EPHA6: variants seen among roughly 807,000 people sequenced by gnomAD.
The protein encoded by EPHA6 is EPH receptor A6, also known as ephrin type-A receptor 6.
In EPHA6, 50 loss-of-function variants were observed where a neutral mutation model predicts 112.0. That is an observed-to-expected ratio of 0.45 (90% CI 0.36 to 0.56). The LOEUF (loss-of-function observed/expected upper bound fraction) is 0.56. Ranked by LOEUF, EPHA6 falls within the 20% of genes least tolerant of loss-of-function variation. The pLI is 0.00. For missense variants in EPHA6, 1,280 were observed against 1,417.4 expected, an observed-to-expected ratio of 0.90 and a Z score of 1.56; for synonymous variants, 529 against 490.7, an observed-to-expected ratio of 1.08 and a Z score of -1.03.
intron 2 of EPHA6, among the ~76,000 whole-genome samples, chr3:96,951,521 A>C (rs544512758): frequency 6.6e-6 from 1 of 152,032 alleles, no homozygotes; most frequent in Non-Finnish European, 1.5e-5. Context: ...TCTATAAATC[A>C]TCATCATCAT....
intron 3 of EPHA6, among the ~76,000 whole-genome samples, chr3:97,068,154 C>CAAAAAAAAAAAAAAAA (rs1396275493): frequency 1.6e-5 from 1 of 61,016 alleles, no homozygotes; most frequent in Non-Finnish European, 2.8e-5. Flanking sequence ...GACTCCATCT[C>CAAAAAAAAAAAAAAAA]AAAAAAAAAA....
chr3:96,831,943 C>T (rs2034110615), intron 1 of EPHA6, among the ~76,000 whole-genome samples: 1 of 152,038 alleles, frequency 6.6e-6, no homozygotes, highest in Non-Finnish European at 1.5e-5. Context: ...TGCTTCTTCT[C>T]CTTGTATAAC....
chr3:96,939,030 G>T (rs2040775773), intron 2 of EPHA6, among the ~76,000 whole-genome samples: 1 of 152,028 alleles, frequency 6.6e-6, no homozygotes, highest in Non-Finnish European at 1.5e-5. Flanking sequence ...GAGGATTTTT[G>T]CATCAATGTT....
chr3:97,499,683 G>C (rs1368803973), intron 10 of EPHA6, among the ~76,000 whole-genome samples: 1 of 152,098 alleles, frequency 6.6e-6, no homozygotes, highest in Non-Finnish European at 1.5e-5. Context: ...AAGTATTTGT[G>C]TATCTAAACA....
chr3:97,570,876 G>T (rs916746837), intron 11 of EPHA6, among the ~76,000 whole-genome samples: 14 of 152,156 alleles, frequency 9.2e-5, no homozygotes, highest in African/African-American at 3.4e-4. Flanking sequence ...ATAAGCTAGA[G>T]GTTAAATTCA....
intron 11 of EPHA6, 92 bp from the exon 12 acceptor site, chr3:97,592,520 T>C: frequency 6.9e-7 from 1 of 1,452,484 alleles, no homozygotes; most frequent in Non-Finnish European, 9.5e-7. Context: ...AAATTTGATG[T>C]CTTTGTTGAT....
intron 5 of EPHA6, among the ~76,000 whole-genome samples, chr3:97,349,726 G>T (rs941057866): frequency 2.6e-5 from 4 of 151,872 alleles, no homozygotes; most frequent in African/African-American, 4.8e-5. Context: ...TATCAGTTTT[G>T]CCCAGACTAG....
chr3:97,285,951 C>T (rs2080451556), intron 5 of EPHA6, among the ~76,000 whole-genome samples: 2 of 152,054 alleles, frequency 1.3e-5, no homozygotes, highest in Non-Finnish European at 2.9e-5. Context: ...TGATATCTCA[C>T]TGTGGTTTTG....
intron 5 of EPHA6, among the ~76,000 whole-genome samples, chr3:97,365,224 G>T (rs755611335): frequency 6.6e-6 from 1 of 151,932 alleles, no homozygotes; most frequent in Non-Finnish European, 1.5e-5. Context: ...ATTTTACTTA[G>T]ATACATTTTT....
chr3:97,144,424 A>T (rs2075988703), intron 3 of EPHA6, among the ~76,000 whole-genome samples: 1 of 150,428 alleles, frequency 6.6e-6, no homozygotes, highest in African/African-American at 2.4e-5. Flanking sequence ...TTTTTACCAT[A>T]TTCCTCAGAG....
chr3:97,077,728 CT>C (rs1324633332), intron 3 of EPHA6, among the ~76,000 whole-genome samples: 1 of 152,076 alleles, frequency 6.6e-6, no homozygotes, highest in African/African-American at 2.4e-5. Context: ...TGAACTCATC[CT>C]TTTTTATGGC....
intron 16 of EPHA6, among the ~76,000 whole-genome samples, chr3:97,740,728 T>C (rs2035467001): frequency 6.6e-6 from 1 of 152,204 alleles, no homozygotes; most frequent in Non-Finnish European, 1.5e-5. Flanking sequence ...TAGCGAATTA[T>C]GCACCAATAC....
At chr3:96,914,934 ATGT>A in intron 2 of EPHA6, among the ~76,000 whole-genome samples, 2 of 151,650 alleles carry the variant, frequency 1.3e-5, no homozygotes, top group East Asian at 3.9e-4. Flanking sequence ...TATGGAGAAA[ATGT>A]TAGTGATAAA....
chr3:97,012,439 T>C (rs2044119797), intron 3 of EPHA6, among the ~76,000 whole-genome samples: 1 of 151,238 alleles, frequency 6.6e-6, no homozygotes, highest in Admixed American at 6.6e-5. Context: ...TCCTCCCATC[T>C]CAGCCTCCAT....
At chr3:97,671,689 G>T (rs1191719968) in intron 14 of EPHA6, among the ~76,000 whole-genome samples, 1 of 151,982 alleles carries the variant, frequency 6.6e-6, no homozygotes, top group Admixed American at 6.6e-5. Context: ...AAAAACCTGT[G>T]GCCTTGGATA....
At chr3:97,205,113 T>C (rs2077682643) in intron 3 of EPHA6, among the ~76,000 whole-genome samples, 1 of 152,096 alleles carries the variant, frequency 6.6e-6, no homozygotes, top group South Asian at 2.1e-4. Context: ...AGTTGGAAAA[T>C]GTAGAAAGGC....
intron 3 of EPHA6, among the ~76,000 whole-genome samples, chr3:96,998,272 A>G (rs1023651290): frequency 6.6e-6 from 1 of 151,944 alleles, no homozygotes; most frequent in South Asian, 2.1e-4. Flanking sequence ...AATTCTGCCT[A>G]GAATTTTAGT....
chr3:97,483,158 C>T (rs1334696973), intron 9 of EPHA6, among the ~76,000 whole-genome samples: 1 of 152,186 alleles, frequency 6.6e-6, no homozygotes, highest in African/African-American at 2.4e-5. Context: ...CAGTCTATGA[C>T]TTCTTCGGAT....
intron 12 of EPHA6, among the ~76,000 whole-genome samples, chr3:97,600,564 C>T (rs559978612): frequency 1.3e-5 from 2 of 152,020 alleles, no homozygotes; most frequent in East Asian, 1.9e-4. Flanking sequence ...GAAAACTCAG[C>T]CATTATTTAA....
Sources: allele counts gnomAD v4.1 joint callset (sites outside exome capture counted in the v4.1 genomes callset), GRCh38; gene constraint gnomAD v4.1.1; transcripts MANE v1.5; gene names NCBI Gene and HGNC (gene_info 2026-07-23, HGNC 2026-07-21).